The following POU2AF2 variants were observed in gnomAD, a reference collection of about 807,000 sequenced individuals.
The protein encoded by POU2AF2 is POU class 2 homeobox associating factor 2.
the POU2AF2 span, chr11:111,285,819 C>A: frequency 1.2e-6 from 2 of 1,607,636 alleles, no homozygotes; most frequent in Non-Finnish European, 1.7e-6. Context: ...CTGGCTGGGG[C>A]TCAGTCATAC....
the POU2AF2 span, among the ~76,000 whole-genome samples, chr11:111,276,453 A>AAAAAAAAAAAAAAAAAAAAT: frequency 8.0e-5 from 3 of 37,674 alleles, no homozygotes; most frequent in African/African-American, 2.9e-4. Flanking sequence ...AAAAAAAAAA[A>AAAAAAAAAAAAAAAAAAAAT]ATATATATAT....
At chr11:111,274,848 C>T in the POU2AF2 span, among the ~76,000 whole-genome samples, 3 of 152,074 alleles carry the variant, frequency 2.0e-5, no homozygotes, top group African/African-American at 7.2e-5. Context: ...CAGAAAGGCC[C>T]TTGTCTAATT....
At chr11:111,270,804 G>C in the POU2AF2 span, among the ~76,000 whole-genome samples, 10 of 152,136 alleles carry the variant, frequency 6.6e-5, no homozygotes, top group African/African-American at 1.2e-4. Context: ...GAGAGTATCA[G>C]CCCTTGTTGA....
At chr11:111,280,720 G>A in the POU2AF2 span, among the ~76,000 whole-genome samples, 6 of 152,248 alleles carry the variant, frequency 3.9e-5, no homozygotes, top group East Asian at 1.2e-3. Flanking sequence ...ATTTAGATAT[G>A]CCAAAGAGAA....
the POU2AF2 span, among the ~76,000 whole-genome samples, chr11:111,255,825 T>C: frequency 6.6e-6 from 1 of 152,204 alleles, no homozygotes; most frequent in African/African-American, 2.4e-5. Context: ...GAGACACGGC[T>C]CTATTGAAGC....
the POU2AF2 span, among the ~76,000 whole-genome samples, chr11:111,272,627 A>C: frequency 6.6e-6 from 1 of 152,254 alleles, no homozygotes; most frequent in African/African-American, 2.4e-5. Context: ...CACAACCCTT[A>C]TTTCTATTAT....
the POU2AF2 span, among the ~76,000 whole-genome samples, chr11:111,270,864 T>C: frequency 6.6e-6 from 1 of 152,214 alleles, no homozygotes; most frequent in Non-Finnish European, 1.5e-5. Flanking sequence ...TGGCACCTGC[T>C]GGCCTTCTGA....
At chr11:111,256,992 C>T in the POU2AF2 span, among the ~76,000 whole-genome samples, 22 of 152,194 alleles carry the variant, frequency 1.4e-4, 1 homozygote, top group Non-Finnish European at 1.5e-5. Context: ...CTGTATACCC[C>T]AAATGTTTAA....
the POU2AF2 span, among the ~76,000 whole-genome samples, chr11:111,255,680 A>C: frequency 6.6e-6 from 1 of 152,340 alleles, no homozygotes; most frequent in African/African-American, 2.4e-5. Context: ...ATTAAAGCAT[A>C]ATTTGTAAAC....
the POU2AF2 span, among the ~76,000 whole-genome samples, chr11:111,255,777 A>G: frequency 6.6e-6 from 1 of 151,834 alleles, no homozygotes; most frequent in Non-Finnish European, 1.5e-5. Context: ...TGTTTCTGTC[A>G]CTTAGTAGAG....
At chr11:111,281,294 T>C in the POU2AF2 span, 1 of 897,288 alleles carries the variant, frequency 1.1e-6, no homozygotes, top group Non-Finnish European at 1.7e-6. Context: ...CCCCAGATAA[T>C]ACTTCTGAAT....
the POU2AF2 span, among the ~76,000 whole-genome samples, chr11:111,279,571 A>G: frequency 6.6e-6 from 1 of 152,154 alleles, no homozygotes; most frequent in African/African-American, 2.4e-5. Flanking sequence ...TTGTCTTCAC[A>G]TGACCTTGTC....
At chr11:111,268,028 A>G in the POU2AF2 span, among the ~76,000 whole-genome samples, 8 of 152,358 alleles carry the variant, frequency 5.3e-5, no homozygotes, top group African/African-American at 1.9e-4. Context: ...CTAAACAACA[A>G]TGAAAATGCC....
the POU2AF2 span, among the ~76,000 whole-genome samples, chr11:111,273,048 A>G: frequency 1.3e-5 from 2 of 152,238 alleles, no homozygotes; most frequent in African/African-American, 2.4e-5. Flanking sequence ...AATCAAATAT[A>G]TAACTCAGAT....
At chr11:111,271,367 C>T in the POU2AF2 span, among the ~76,000 whole-genome samples, 1 of 151,688 alleles carries the variant, frequency 6.6e-6, no homozygotes, top group African/African-American at 2.4e-5. Context: ...CTGCCTGCTA[C>T]CAAAGTCTAA....
At chr11:111,262,281 G>A in the POU2AF2 span, among the ~76,000 whole-genome samples, 3 of 152,166 alleles carry the variant, frequency 2.0e-5, no homozygotes, top group East Asian at 1.9e-4. Context: ...GGCACCATTC[G>A]GTGTGTTTAT....
the POU2AF2 span, among the ~76,000 whole-genome samples, chr11:111,258,042 T>C: frequency 1.3e-5 from 2 of 152,126 alleles, no homozygotes; most frequent in Non-Finnish European, 2.9e-5. Context: ...CATTTGAACC[T>C]GGGAGGCAGA....
At chr11:111,251,207 C>T in the POU2AF2 span, among the ~76,000 whole-genome samples, 4 of 152,132 alleles carry the variant, frequency 2.6e-5, no homozygotes, top group African/African-American at 9.7e-5. Context: ...AAAGAAAAGT[C>T]AGCAGACTCT....
the POU2AF2 span, chr11:111,284,189 C>A: frequency 1.2e-6 from 2 of 1,614,218 alleles, no homozygotes; most frequent in South Asian, 2.2e-5. Context: ...CGTGGGGAAG[C>A]CGTTTCCCTG....
Sources: gnomAD v4.1 joint callset for allele counts (sites outside exome capture counted in the v4.1 genomes callset) on GRCh38, gnomAD v4.1.1 for gene constraint, MANE v1.5 for transcripts, NCBI Gene and HGNC (gene_info 2026-07-23, HGNC 2026-07-21) for gene names.